VSIG10L: variants seen among roughly 807,000 people sequenced by gnomAD.
VSIG10L encodes V-set and immunoglobulin domain-containing protein 10-like.
In VSIG10L, 63 loss-of-function variants were observed where a neutral mutation model predicts 67.3. The ratio of observed to expected loss-of-function variants is 0.94; its 90% CI spans 0.76 to 1.15. The LOEUF (loss-of-function observed/expected upper bound fraction) is 1.15, where lower values mean the gene tolerates loss of function less well. Among genes scored for constraint, VSIG10L ranks in the 50% most tolerant of loss-of-function variants. VSIG10L has a pLI of 0.00. For missense variants in VSIG10L, 1,050 were observed against 1,177.5 expected (o/e 0.89, Z 1.58); for synonymous variants, 499 against 524.9 (o/e 0.95, Z 0.67).
In VSIG10L at chr19:51,337,242, C is replaced by G. The variant is rs1985504195; in HGVS notation, c.2301G>C (p.Arg767=). The part of the protein sequence containing the change: ...PGTPSQSRVY[R]AGPTLSHGAI... ...ACTCTGACAGCCCCAACTCACCGGCCCGGTAGACCCGGCTTTGTGATGGAG... is the reference window on the plus strand; with the variant it reads ...ACTCTGACAGCCCCAACTCACCGGCGCGGTAGACCCGGCTTTGTGATGGAG... Residue 767 remains arginine (R), a synonymous_variant, in exon 7 of 10, where the codon CGG becomes CGC. Coordinates refer to ENST00000335624, the MANE Select transcript of VSIG10L (RefSeq NM_001163922.3). 2.6e-6 allele frequency: 4 copies of G among 1,545,748 alleles called. No individual in the cohort carries two copies. Among genetic ancestry groups the G allele is most frequent in the Non-Finnish European group, 3.5e-6 (4 of 1,143,398 alleles).
chr19:51,335,076 C>T (rs908827949), intron 7 of VSIG10L, among the ~76,000 whole-genome samples: 8 of 152,198 alleles, frequency 5.3e-5, no homozygotes, highest in African/African-American at 1.7e-4. Flanking sequence ...CAGAGACAGT[C>T]ATACTAAACC....
chr19:51,333,117 TGGGATTACA>T (rs1985396784), intron 9 of VSIG10L, among the ~76,000 whole-genome samples: 1 of 151,060 alleles, frequency 6.6e-6, no homozygotes, highest in Admixed American at 6.6e-5. Flanking sequence ...CCCGAAGTGC[TGGGATTACA>T]GGCATGAACT....
At position 51,340,298 on chromosome 19, in the gene VSIG10L, G is replaced by GTC; in HGVS notation, c.1190-1_1190dup (p.Tyr397Ter). ...CCGTGATGGTCGGCGGGTCCGGGCC[G>GTC]TCTGGAGGGAGGAGGGGTCGGGACC... ...REAAADVSVF[Y>*]GPDPPTITVS... The change falls in exon 4 of 10, where the codon TAC (tyrosine) becomes TAGAC (stop). Residue 397 changes from tyrosine (Y) to a stop codon, truncating the protein, a stop_gained and frameshift_variant and splice_region_variant. Coordinates refer to ENST00000335624, the MANE Select transcript of VSIG10L (RefSeq NM_001163922.3). LOFTEE classifies it high-confidence loss of function. This position sits in a 1 kb window ranked among gnomAD's most constrained non-coding sequence, Gnocchi z 6.3. The GTC allele has an allele frequency of 6.6e-7, 1 of 1,516,190 alleles. No homozygotes were observed. Among genetic ancestry groups the GTC allele is most frequent in the Non-Finnish European group, 8.8e-7 (1 of 1,138,254 alleles). The allele number at this position is 1,516,190 out of a possible 1,614,324, so 93.9% of individuals were successfully genotyped here. A position where few individuals can be genotyped will look rare whatever the true frequency, so the allele number is the denominator to read the frequency against.
At chr19:51,335,528 G>T (rs1466181327) in intron 7 of VSIG10L, among the ~76,000 whole-genome samples, 3 of 152,194 alleles carry the variant, frequency 2.0e-5, no homozygotes, top group Non-Finnish European at 4.4e-5. Context: ...CATTTATGAG[G>T]ATGGGGAAGA....
In VSIG10L at chr19:51,341,144, C is replaced by A. The variant is rs952999966; in HGVS notation, c.895+9G>T. The A allele has an allele frequency of 1.3e-6, 2 of 1,494,032 alleles. No homozygotes were observed. The highest frequency in any genetic ancestry group is 1.3e-5 in the South Asian group (1 of 77,258). 92.5% of individuals were successfully genotyped at this position (1,494,032 alleles called of 1,614,324 possible). ...GCCGCCTGCACGCCGGACGCCAGGGCCCACTTACCATACACACCCACCGTG... is the reference window on the plus strand; with the variant it reads ...GCCGCCTGCACGCCGGACGCCAGGGACCACTTACCATACACACCCACCGTG... On this transcript the variant is annotated intron_variant, in intron 2 of 9. Transcript: ENST00000335624.
rs1320528108 is a variant in VSIG10L, at chr19:51,333,803, A to G, written c.2562T>C (p.Thr854=). Residue 854 remains threonine, a synonymous_variant, in exon 9 of 10, where the codon ACT becomes ACC. Coordinates refer to ENST00000335624, the MANE Select transcript of VSIG10L (RefSeq NM_001163922.3). ...LKVPLEDHSS[T]RAYQAQTPVQ... ...CACCCACACTCACTTGGTAGGCCCT[A>G]GTTGAGCTGTGGTCCTCCAGAGGGA... 9 of 1,548,998 alleles carry G rather than the reference A, an allele frequency of 5.8e-6. No individual in the cohort carries two copies. In the South Asian group the frequency reaches 1.1e-4, roughly 19 times the overall value.
At position 51,341,461 on chromosome 19, in the gene VSIG10L, C is replaced by G; in HGVS notation, c.587G>C (p.Gly196Ala). The part of the protein sequence containing the change: ...HSAASFPQQV[G>A]GPLAVLVGTT... ...CCCCACCAGCACAGCGAGTGGGCCC[C>G]CCACCTGCTGGGGAAAGCTTGCAGC... Residue 196 changes from glycine to alanine, a missense_variant, in exon 2 of 10, where the codon GGG becomes GCG. Transcript: ENST00000335624. The G allele has an allele frequency of 6.5e-7, 1 of 1,544,482 alleles. No homozygotes were observed. Among genetic ancestry groups the G allele is most frequent in the Non-Finnish European group, 8.7e-7 (1 of 1,143,192 alleles).
intron 7 of VSIG10L, 116 bp from the exon 8 acceptor site, chr19:51,334,420 C>T: frequency 6.3e-6 from 5 of 798,294 alleles, no homozygotes; most frequent in Non-Finnish European, 7.9e-6. Context: ...ACTGTCCCTC[C>T]CCTCCCAGAA....
In VSIG10L at chr19:51,341,553, C is replaced by T. The variant is rs139286269; in HGVS notation, c.495G>A (p.Pro165=). The change falls in exon 2 of 10, where the codon CCG becomes CCA. Residue 165 remains proline, a synonymous_variant. Transcript: ENST00000335624. Reference sequence around the variant, plus strand: ...CAGAGAGTTTAAGATCCATATCATCCGGGGAGAATTTTGAATCTGGGGCCT... The same window carrying T: ...CAGAGAGTTTAAGATCCATATCATCTGGGGAGAATTTTGAATCTGGGGCCT... The part of the protein sequence containing the change: ...SVEAPDSKFS[P]DDMDLKLSAQ... 933 of 1,551,658 alleles carry T rather than the reference C, an allele frequency of 6.0e-4. 25 individuals are homozygous for T. The East Asian group carries it at 0.019, about 32-fold the overall frequency.
At chr19:51,337,101 G>C in intron 7 of VSIG10L, 137 bp downstream of exon 7, 1 of 1,164,034 alleles carries the variant, frequency 8.6e-7, no homozygotes, top group South Asian at 1.7e-5. Flanking sequence ...CTCCAGACCT[G>C]TGAGAGAAGA....
At position 51,338,207 on chromosome 19, in the gene VSIG10L, C is replaced by A; in HGVS notation, c.1731G>T (p.Glu577Asp). The A allele has an allele frequency of 6.8e-7, 1 of 1,464,326 alleles. No individual in the cohort carries two copies. Among genetic ancestry groups the A allele is most frequent in the Non-Finnish European group, 9.0e-7 (1 of 1,106,846 alleles). 90.7% of individuals were successfully genotyped at this position (1,464,326 alleles called of 1,614,324 possible). Residue 577 changes from glutamate to aspartate, a missense_variant and splice_region_variant, in exon 6 of 10, where the codon GAG becomes GAT. By Grantham distance (45) the Glu-to-Asp change is conservative. Around this residue, in one of 3 missense-constraint regions of VSIG10L, gnomAD observed 529 missense variants for 584.9 expected, o/e 0.90. Transcript: ENST00000335624. Reference sequence around the variant, plus strand: ...GATGCAGCAGCACCTCTCGGGGGGCCTCTGCCGGTGGGAGAAGTCCAGTTA... The same window carrying A: ...GATGCAGCAGCACCTCTCGGGGGGCATCTGCCGGTGGGAGAAGTCCAGTTA... ...VATRTCTVTP[E>D]APREVLLHPL...
chr19:51,337,154 A>G, intron 7 of VSIG10L, 84 bp downstream of exon 7: 1 of 1,421,134 alleles, frequency 7.0e-7, no homozygotes, highest in East Asian at 2.5e-5. Context: ...GTACTTTGTT[A>G]GGGCAGGCCC....
chr19:51,331,683 C>A lies in VSIG10L; in HGVS notation c.*928G>T, dbSNP rs36054492. On this transcript the variant is annotated 3_prime_UTR_variant, in exon 10 of 10. Transcript: ENST00000335624. Reference sequence around the variant, plus strand: ...AGCAAGCCCAACTCTTCACTGGCACCAAAACATTTGATCAGTCAACAAATA... The same window carrying A: ...AGCAAGCCCAACTCTTCACTGGCACAAAAACATTTGATCAGTCAACAAATA... The A allele has an allele frequency of 0.11, 16,449 of 152,260 alleles. 1,122 individuals carry two copies. Among genetic ancestry groups the A allele is most frequent in the East Asian group, 0.31 (1,618 of 5,184 alleles). 9.4% of individuals were successfully genotyped at this position (152,260 alleles called of 1,614,324 possible). A position where few individuals can be genotyped will look rare whatever the true frequency, so the allele number is the denominator to read the frequency against.
intron 9 of VSIG10L, 68 bp from the exon 10 acceptor site, chr19:51,332,708 C>T (rs1985387964): frequency 2.1e-6 from 3 of 1,411,654 alleles, no homozygotes; most frequent in Admixed American, 4.9e-5. Flanking sequence ...ACTCACCCGC[C>T]TAACTTTTTC....
In VSIG10L at chr19:51,341,607, A is replaced by G. The variant is rs1985640970; in HGVS notation, c.441T>C (p.Thr147=). 1 of 1,551,708 alleles carries G rather than the reference A, an allele frequency of 6.4e-7. No individual in the cohort carries two copies. The highest frequency in any genetic ancestry group is 2.0e-5 in the Admixed American group (1 of 51,010). ...TVKTPASNIS[T]QVSHTKLSVE... ...CAGACAGTTTGGTATGGGAGACTTG[A>G]GTAGAAATGTTTGAAGCTGGGGTCT... is the stretch of plus-strand genomic sequence containing the variant. The change falls in exon 2 of 10, where the codon ACT becomes ACC. Residue 147 remains threonine, a synonymous_variant. Transcript: ENST00000335624.
chr19:51,333,870 C>A lies in VSIG10L; in HGVS notation c.2495G>T (p.Ser832Ile). The A allele has an allele frequency of 1.3e-6, 2 of 1,551,714 alleles. No individual in the cohort carries two copies. The highest frequency in any genetic ancestry group is 2.4e-5 in the East Asian group (1 of 40,924). Residue 832 changes from serine (S) to isoleucine (I), a missense_variant, in exon 9 of 10, where the codon AGT becomes ATT. By Grantham distance (142) the Ser-to-Ile change is moderately radical. Around this residue, in one of 3 missense-constraint regions of VSIG10L, gnomAD observed 529 missense variants for 584.9 expected, o/e 0.90. Coordinates refer to ENST00000335624, the MANE Select transcript of VSIG10L (RefSeq NM_001163922.3). ...VVTPSEKKMH[S>I]VTPVEISWPL... ...CCATGAAATCTCCACTGGGGTCACA[C>A]TATGCATCTTCTTTTCTGAGGGGGT... is the stretch of plus-strand genomic sequence containing the variant.
Position 51,333,542 on chromosome 19 carries a change from AAGAG to A in VSIG10L, c.2574+245_2574+248del, listed in dbSNP as rs1001142013. Among the ~76,000 whole-genome samples the A allele has an allele frequency of 1.9e-4, 29 of 151,996 alleles. No individual in the cohort carries two copies. In the South Asian group the frequency reaches 4.4e-3, roughly 23 times the overall value. ...AGACTCTGTCTCCAAAAAAAAAAAA[AAGAG>A]AGAGAGAGATCCTATTTCCCTCCTT... On this transcript the variant is annotated intron_variant, in intron 9 of 9. Coordinates refer to ENST00000335624, the MANE Select transcript of VSIG10L (RefSeq NM_001163922.3).
chr19:51,333,158 C>T (rs1431629174), intron 9 of VSIG10L, among the ~76,000 whole-genome samples: 1 of 149,274 alleles, frequency 6.7e-6, no homozygotes, highest in African/African-American at 2.5e-5. Context: ...TCACAACAAT[C>T]CTTCTTTTAT....
At chr19:51,341,021 C>G in intron 2 of VSIG10L, 132 bp downstream of exon 2, 1 of 1,333,072 alleles carries the variant, frequency 7.5e-7, no homozygotes, top group Non-Finnish European at 9.8e-7. Flanking sequence ...ACCTCTAGCT[C>G]TTTTTCTCCC....
Sources: allele counts gnomAD v4.1 joint callset (sites outside exome capture counted in the v4.1 genomes callset), GRCh38; gene constraint gnomAD v4.1.1; regional missense constraint gnomAD v4.1.1; non-coding constraint Gnocchi (gnomAD v3.1); transcripts MANE v1.5; gene names NCBI Gene and HGNC (gene_info 2026-07-23, HGNC 2026-07-21).